The following MEGF9 variants were observed in gnomAD, a reference collection of about 807,000 sequenced individuals.
MEGF9 encodes multiple EGF like domains 9.
MEGF9 carries 6 observed loss-of-function variants against 46.8 expected under a neutral mutation model. The ratio of observed to expected loss-of-function variants is 0.13; its 90% CI spans 0.07 to 0.25. The LOEUF (loss-of-function observed/expected upper bound fraction) is 0.25. Ranked by LOEUF, MEGF9 falls within the 10% of genes least tolerant of loss-of-function variation. MEGF9 has a pLI of 1.00. For missense variants in MEGF9, 683 were observed against 792.4 expected, an observed-to-expected ratio of 0.86 and a Z score of 1.66; for synonymous variants, 302 against 330.7, an observed-to-expected ratio of 0.91 and a Z score of 0.94.
At chr9:120,710,466 T>G (rs1327535789) in intron 1 of MEGF9, among the ~76,000 whole-genome samples, 1 of 137,272 alleles carries the variant, frequency 7.3e-6, no homozygotes, top group Admixed American at 7.3e-5. Flanking sequence ...AGCCAACCAA[T>G]CAGTGAATGT....
chr9:120,689,576 G>T (rs1216640261), intron 1 of MEGF9, among the ~76,000 whole-genome samples: 2 of 152,052 alleles, frequency 1.3e-5, no homozygotes, highest in Non-Finnish European at 1.5e-5. Context: ...AAGATAGCCA[G>T]AAAAATAAAT....
intron 3 of MEGF9, among the ~76,000 whole-genome samples, chr9:120,614,265 C>T (rs760055288): frequency 2.0e-5 from 3 of 152,144 alleles, no homozygotes; most frequent in Non-Finnish European, 4.4e-5. Flanking sequence ...TCAAGTGATG[C>T]GCCCATGTAG....
At chr9:120,657,488 CT>C (rs1227752985) in intron 2 of MEGF9, among the ~76,000 whole-genome samples, 1 of 152,190 alleles carries the variant, frequency 6.6e-6, no homozygotes, top group Non-Finnish European at 1.5e-5. Flanking sequence ...ATTTCTTTCT[CT>C]TCTAATAAAG....
intron 1 of MEGF9, among the ~76,000 whole-genome samples, chr9:120,700,430 C>A (rs1402996495): frequency 6.6e-6 from 1 of 152,206 alleles, no homozygotes; most frequent in Non-Finnish European, 1.5e-5. Context: ...CACTTTATAA[C>A]TATTCAATAA....
rs767834403 is a variant in MEGF9 at position 120,612,501 on chromosome 9, G to A, written c.982C>T (p.His328Tyr). 5 of 1,611,842 alleles carry A rather than the reference G, an allele frequency of 3.1e-6. No individual in the cohort carries two copies. The Admixed American group carries it at 6.7e-5, about 22-fold the overall frequency. The change falls in exon 4 of 6, where the codon CAC becomes TAC. Residue 328 changes from histidine (H) to tyrosine (Y), a missense_variant. His to Tyr is a moderately conservative substitution (Grantham distance 83). This residue lies in a region of MEGF9 where 313 missense variants were observed against 421.1 expected (regional missense o/e 0.74). Transcript: ENST00000373930. ...AATCCTTCTTTACATTCTTCACAGT[G>A]ATTTCCTTTGCTATTTTCCTGGCAG... ...LNCQENSKGN[H>Y]CEECKEGFYQ... is the part of the protein sequence containing the mutation.
intron 3 of MEGF9, among the ~76,000 whole-genome samples, chr9:120,619,146 G>C (rs538590950): frequency 6.6e-6 from 1 of 152,044 alleles, no homozygotes; most frequent in African/African-American, 2.4e-5. Flanking sequence ...AGGAGTTCGA[G>C]ACCAGCCTGC....
intron 2 of MEGF9, among the ~76,000 whole-genome samples, chr9:120,640,623 T>C (rs1196577040): frequency 6.6e-6 from 1 of 152,196 alleles, no homozygotes; most frequent in African/African-American, 2.4e-5. Flanking sequence ...TCATTAACTC[T>C]TGATGACTTC....
At chr9:120,649,080 C>CT (rs146357103) in intron 2 of MEGF9, among the ~76,000 whole-genome samples, 7,043 of 152,282 alleles carry the variant, frequency 0.046, 219 homozygotes, top group Non-Finnish European at 0.069. Context: ...TTTAAGGTTA[C>CT]TTATAATACC....
At chr9:120,622,248 T>TCCTAAAGA (rs977112069) in intron 3 of MEGF9, among the ~76,000 whole-genome samples, 3 of 152,192 alleles carry the variant, frequency 2.0e-5, no homozygotes, top group African/African-American at 7.2e-5. Flanking sequence ...TGTATCTCTT[T>TCCTAAAGA]CCTAAAGAAT....
Position 120,634,831 on chromosome 9 carries a change from T to C in MEGF9, c.804-12076A>G, listed in dbSNP as rs138454107. Among the ~76,000 whole-genome samples, 653 of 152,338 alleles carry C rather than the reference T, an allele frequency of 4.3e-3. 2 individuals are homozygous for C. The highest frequency in any genetic ancestry group is 7.4e-3 in the South Asian group (36 of 4,834). On this transcript the variant is annotated intron_variant, in intron 2 of 5. Transcript: ENST00000373930. ...TTTGTTCTGCCTTTATTGTTTATCA[T>C]TGATGTTTGGTGGTTTTTTTGAAGT...
At chr9:120,636,004 G>C (rs1337039104) in intron 2 of MEGF9, among the ~76,000 whole-genome samples, 1 of 152,044 alleles carries the variant, frequency 6.6e-6, no homozygotes, top group Non-Finnish European at 1.5e-5. Context: ...GCATGATCTT[G>C]GCTCACTGCA....
chr9:120,605,121 G>A lies in MEGF9; in HGVS notation c.*69C>T, dbSNP rs2043414565. 2 of 1,475,224 alleles carry A rather than the reference G, an allele frequency of 1.4e-6. No individual in the cohort carries two copies. 91.4% of individuals were successfully genotyped at this position (1,475,224 alleles called of 1,614,324 possible). On this transcript the variant is annotated 3_prime_UTR_variant, in exon 6 of 6. Transcript: ENST00000373930. The surrounding 1 kb of genome is among the most constrained non-coding windows in gnomAD (Gnocchi z 4.0). Reference sequence around the variant, plus strand: ...TCTCAGCAAACTCTAGCCAGGCTTTGTCTGGCCCAGGGGCTGACTCTGTCT... The same window carrying A: ...TCTCAGCAAACTCTAGCCAGGCTTTATCTGGCCCAGGGGCTGACTCTGTCT...
At chr9:120,698,394 T>C (rs987669398) in intron 1 of MEGF9, among the ~76,000 whole-genome samples, 2 of 152,236 alleles carry the variant, frequency 1.3e-5, no homozygotes, top group South Asian at 4.1e-4. Context: ...GTACCATTAC[T>C]GCTGTAACTG....
chr9:120,615,068 TA>T (rs2043465282), intron 3 of MEGF9, among the ~76,000 whole-genome samples: 1 of 151,586 alleles, frequency 6.6e-6, no homozygotes, highest in Admixed American at 6.6e-5. Context: ...GGTGAAACCC[TA>T]TCTCTATTAA....
chr9:120,623,952 T>C (rs1488829555), intron 2 of MEGF9, among the ~76,000 whole-genome samples: 1 of 152,248 alleles, frequency 6.6e-6, no homozygotes, highest in Non-Finnish European at 1.5e-5. Context: ...AAACAGTTAC[T>C]TTCAATGATG....
At position 120,714,146 on chromosome 9, in the gene MEGF9, C is replaced by G. The variant is rs1459326253; in HGVS notation, c.213G>C (p.Thr71=). 1 of 1,235,752 alleles carries G rather than the reference C, an allele frequency of 8.1e-7. No homozygotes were observed. The highest frequency in any genetic ancestry group is 1.0e-6 in the Non-Finnish European group (1 of 990,244). 76.5% of individuals were successfully genotyped at this position (1,235,752 alleles called of 1,614,324 possible). ...TCCTCGGGGCCTGGGCCGTGGGAGC[C>G]GTCGCCCTAGGGAAGGGGTGGCTGG... ...GEPSHPFPRA[T]APTAQAPRTG... The change falls in exon 1 of 6, where the codon ACG becomes ACC. Residue 71 remains threonine, a synonymous_variant. Coordinates refer to ENST00000373930, the MANE Select transcript of MEGF9 (RefSeq NM_001080497.3).
intron 2 of MEGF9, among the ~76,000 whole-genome samples, chr9:120,631,927 TCTCCTC>T (rs1475752121): frequency 3.3e-5 from 5 of 151,712 alleles, no homozygotes; most frequent in African/African-American, 1.2e-4. Flanking sequence ...TCCTTCTCCT[TCTCCTC>T]CTCCTCTTTT....
At chr9:120,632,336 GTTTT>G (rs34449214) in intron 2 of MEGF9, among the ~76,000 whole-genome samples, 5 of 132,980 alleles carry the variant, frequency 3.8e-5, no homozygotes, top group African/African-American at 1.4e-4. Flanking sequence ...ATTCCTAAGT[GTTTT>G]TTTTTTTTTT....
At position 120,711,012 on chromosome 9, in the gene MEGF9, CG is replaced by C. The variant is rs541179061; in HGVS notation, c.601+2745del. 9.9e-5 allele frequency among the ~76,000 whole-genome samples: 15 copies of C among 152,240 alleles called. No homozygotes were observed. The South Asian group carries it at 2.7e-3, about 27-fold the overall frequency. On this transcript the variant is annotated intron_variant, in intron 1 of 5. Transcript: ENST00000373930. ...TTTTTCACCCAAAGACCATCACAGA[CG>C]TAAGTATAATGTTAGTTCATGAAAA...
Sources: allele counts gnomAD v4.1 joint callset (sites outside exome capture counted in the v4.1 genomes callset), GRCh38; gene constraint gnomAD v4.1.1; regional missense constraint gnomAD v4.1.1; non-coding constraint Gnocchi (gnomAD v3.1); transcripts MANE v1.5; gene names NCBI Gene and HGNC (gene_info 2026-07-23, HGNC 2026-07-21).